Variants in PCNX3 observed in about 807,000 individuals in gnomAD.
PCNX3 encodes the protein pecanex-like protein 3.
In PCNX3, 58 loss-of-function variants were observed where a neutral mutation model predicts 207.2. The observed-to-expected ratio is 0.28, with a 90% confidence interval of 0.23 to 0.35. The LOEUF (loss-of-function observed/expected upper bound fraction) is 0.35. Ranked by LOEUF, PCNX3 falls within the 10% of genes least tolerant of loss-of-function variation. The probability of loss-of-function intolerance (pLI) is 1.00; values close to 1 mark genes in which losing one functional copy is unlikely to be tolerated. For synonymous variants in PCNX3, 1,337 were observed against 1,183.5 expected (o/e 1.13, Z -2.66); for missense variants, 2,410 against 2,774.4 (o/e 0.87, Z 2.95).
At chr11:65,623,867 G>T (rs777330347) in intron 12 of PCNX3, 62 bp from the exon 13 acceptor site, 26 of 1,608,554 alleles carry the variant, frequency 1.6e-5, no homozygotes, top group Non-Finnish European at 2.2e-5. Context: ...GAACAGGTCT[G>T]GGGCCTCTGA....
chr11:65,616,555 G>A (rs1854739735), intron 1 of PCNX3, 91 bp downstream of exon 1: 3 of 1,399,110 alleles, frequency 2.1e-6, no homozygotes, highest in Non-Finnish European at 2.9e-6. Flanking sequence ...CTGGGACGTG[G>A]AGAGAGAGGA....
intron 13 of PCNX3, 27 bp from the exon 14 acceptor site, chr11:65,624,168 C>G: frequency 6.3e-7 from 1 of 1,590,566 alleles, no homozygotes; most frequent in Non-Finnish European, 8.5e-7. Flanking sequence ...TCGGGGAGAC[C>G]CAGCTCCTCA....
In PCNX3 at chr11:65,618,772, C is replaced by G. The variant is rs370018747; in HGVS notation, c.1410C>G (p.Ala470=). Residue 470 remains alanine, a synonymous_variant, in exon 6 of 35, where the codon GCC becomes GCG. Transcript: ENST00000355703. ...GAAGGPRKRR[A]PHGAEEGTAV... is the part of the protein sequence containing the mutation. ...CAGGGGGACCCCGGAAGCGGAGGGC[C>G]CCCCATGGGGCTGAGGAGGGAACTG... The G allele has an allele frequency of 9.4e-5, 152 of 1,611,402 alleles. No homozygotes were observed. Among genetic ancestry groups the G allele is most frequent in the Non-Finnish European group, 1.2e-4 (143 of 1,179,238 alleles).
Position 65,628,940 on chromosome 11 carries a change from C to A in PCNX3, c.3933C>A (p.Arg1311=), listed in dbSNP as rs375603349. 6.2e-7 allele frequency: 1 copy of A among 1,611,688 alleles called. No individual in the cohort carries two copies. The highest frequency in any genetic ancestry group is 2.2e-5 in the East Asian group (1 of 44,876). Residue 1311 remains arginine, a synonymous_variant, in exon 24 of 35, where the codon CGC becomes CGA. Coordinates refer to ENST00000355703, the MANE Select transcript of PCNX3 (RefSeq NM_032223.4). ...CTCGGCCCCTCAAGTTCTGGGAGCG[C>A]GACTACAAGTGAGTCTCACAGGAGG... ...SYARPLKFWE[R]DYNTKRVDHS...
chr11:65,618,441 G>T lies in PCNX3; in HGVS notation c.1079G>T (p.Arg360Leu). 5.0e-6 allele frequency: 8 copies of T among 1,611,314 alleles called. No homozygotes were observed. Among genetic ancestry groups the T allele is most frequent in the Non-Finnish European group, 6.8e-6 (8 of 1,179,244 alleles). The change falls in exon 6 of 35, where the codon CGT becomes CTT. Residue 360 changes from arginine (R) to leucine (L), a missense_variant. Physicochemically the swap from Arg to Leu is moderately radical, Grantham distance 102. Coordinates refer to ENST00000355703, the MANE Select transcript of PCNX3 (RefSeq NM_032223.4). The part of the protein sequence containing the change: ...DAGVPSDDTL[R>L]SFDTVIGAGT... ...GGGGTCCCCTCAGATGACACGCTGC[G>T]TTCCTTTGACACGGTCATTGGAGCA...
At position 65,620,941 on chromosome 11, in the gene PCNX3, G is replaced by A. The variant is rs750464937; in HGVS notation, c.2210G>A (p.Arg737His). ...RPVVLQGMQV[R>H]RVPLEIPEEQ... ...GTGGTTCTGCAGGGCATGCAGGTGC[G>A]CCGGGTGCCCCTGGAGATCCCGGAG... The change falls in exon 10 of 35, where the codon CGC (arginine) becomes CAC (histidine). Residue 737 changes from arginine to histidine, a missense_variant. Coordinates refer to ENST00000355703, the MANE Select transcript of PCNX3 (RefSeq NM_032223.4). The A allele has an allele frequency of 4.1e-5, 63 of 1,551,206 alleles. No homozygotes were observed. The highest frequency in any genetic ancestry group is 4.6e-5 in the Non-Finnish European group (53 of 1,147,546).
intron 5 of PCNX3, 67 bp from the exon 6 acceptor site, chr11:65,617,873 C>G (rs973513343): frequency 6.7e-7 from 1 of 1,483,596 alleles, no homozygotes; most frequent in African/African-American, 1.4e-5. Flanking sequence ...CATAAGACCT[C>G]CCTTAACCAC....
intron 7 of PCNX3, 34 bp downstream of exon 7, chr11:65,619,694 G>T: frequency 6.4e-7 from 1 of 1,572,972 alleles, no homozygotes; most frequent in Non-Finnish European, 8.6e-7. Flanking sequence ...GAGGGGCACC[G>T]GGGGCCGGGG....
chr11:65,637,176 G>A lies in PCNX3; in HGVS notation c.*198G>A. ...CTGATCTCTCTCATCCCCAGTCCAGGGCCTGGGCTCCCCAGATGGAGGCAG... is the reference window on the plus strand; with the variant it reads ...CTGATCTCTCTCATCCCCAGTCCAGAGCCTGGGCTCCCCAGATGGAGGCAG... On this transcript the variant is annotated 3_prime_UTR_variant, in exon 35 of 35. Transcript: ENST00000355703. 3.2e-6 allele frequency: 2 copies of A among 628,992 alleles called. No individual in the cohort carries two copies. Among genetic ancestry groups the A allele is most frequent in the Admixed American group, 6.0e-5 (2 of 33,398 alleles). 39.0% of individuals were successfully genotyped at this position (628,992 alleles called of 1,614,324 possible). A position where few individuals can be genotyped will look rare whatever the true frequency, so the allele number is the denominator to read the frequency against.
Position 65,635,350 on chromosome 11 carries a change from C to T in PCNX3, c.5086C>T (p.Pro1696Ser). The change falls in exon 31 of 35, where the codon CCC becomes TCC. Residue 1696 changes from proline (P) to serine (S), a missense_variant. Coordinates refer to ENST00000355703, the MANE Select transcript of PCNX3 (RefSeq NM_032223.4). The surrounding 1 kb of genome is among the most constrained non-coding windows in gnomAD (Gnocchi z 9.9). ...AWRSAILSNT[P>S]SLLALRHVLD... ...GCGCAGCGCCATCCTCAGCAACACG[C>T]CCTCCCTGCTGGCGCTGCGCCATGT... 6.2e-7 allele frequency: 1 copy of T among 1,610,930 alleles called. No homozygotes were observed. The highest frequency in any genetic ancestry group is 8.5e-7 in the Non-Finnish European group (1 of 1,179,058).
chr11:65,626,850 C>T (rs191310621), intron 20 of PCNX3, 54 bp from the exon 21 acceptor site: 66 of 1,555,014 alleles, frequency 4.2e-5, no homozygotes, highest in Middle Eastern at 2.1e-4. Flanking sequence ...AGGACTTCCT[C>T]AGGGAAGGCA....
intron 20 of PCNX3, 128 bp downstream of exon 20, chr11:65,626,182 GC>G: frequency 7.8e-7 from 1 of 1,277,826 alleles, no homozygotes; most frequent in Non-Finnish European, 1.1e-6. Context: ...TACCCTTTCT[GC>G]TCCCTCCCTG....
At chr11:65,629,777 G>C (rs1855545831) in intron 26 of PCNX3, 42 bp downstream of exon 26, 1 of 1,531,376 alleles carries the variant, frequency 6.5e-7, no homozygotes, top group Non-Finnish European at 8.8e-7. Flanking sequence ...GCACAGCTCG[G>C]GCCTGATGTG....
rs146990106 is a variant in PCNX3, at chr11:65,622,891, C to T, written c.2357+525C>T. 6.8e-3 allele frequency among the ~76,000 whole-genome samples: 1,030 copies of T among 152,244 alleles called. 44 individuals carry two copies. In the East Asian group the frequency reaches 0.13, roughly 19 times the overall value. Reference sequence around the variant, plus strand: ...TGCTGGGATTACAGGCGTGAGCTACCGCGCCCGGCCATCCTATTCACTTTT... The same window carrying T: ...TGCTGGGATTACAGGCGTGAGCTACTGCGCCCGGCCATCCTATTCACTTTT... On this transcript the variant is annotated intron_variant, in intron 11 of 34. Coordinates refer to ENST00000355703, the MANE Select transcript of PCNX3 (RefSeq NM_032223.4).
Position 65,635,767 on chromosome 11 carries a change from G to A in PCNX3, c.5423G>A (p.Gly1808Asp), listed in dbSNP as rs1485574195. The change falls in exon 32 of 35, where the codon GGT becomes GAT. Residue 1808 changes from glycine (G) to aspartate (D), a missense_variant. Physicochemically the swap from Gly to Asp is moderately conservative, Grantham distance 94. Transcript: ENST00000355703. This position sits in a 1 kb window ranked among gnomAD's most constrained non-coding sequence, Gnocchi z 9.9. ...RALWGGPISL[G>D]AIAHWLLRTW... is the part of the protein sequence containing the mutation. Reference sequence around the variant, plus strand: ...CTGTGGGGTGGCCCCATCAGCCTGGGTGCCATTGCCCACTGGCTCCTGCGC... The same window carrying A: ...CTGTGGGGTGGCCCCATCAGCCTGGATGCCATTGCCCACTGGCTCCTGCGC... The A allele has an allele frequency of 6.2e-7, 1 of 1,603,652 alleles. No individual in the cohort carries two copies. The highest frequency in any genetic ancestry group is 2.3e-5 in the East Asian group (1 of 44,420).
rs752624373 is a variant in PCNX3 at position 65,618,738 on chromosome 11, G to A, written c.1376G>A (p.Arg459Gln). 9.9e-6 allele frequency: 16 copies of A among 1,612,052 alleles called. No homozygotes were observed. Among genetic ancestry groups the A allele is most frequent in the Admixed American group, 6.7e-5 (4 of 59,948 alleles). ...STSCYSPESS[R>Q]GAAGGPRKRR... is the part of the protein sequence containing the mutation. ...TCCTGCTACTCCCCTGAGAGCTCCCGGGGTGCAGCAGGGGGACCCCGGAAG... is the reference window on the plus strand; with the variant it reads ...TCCTGCTACTCCCCTGAGAGCTCCCAGGGTGCAGCAGGGGGACCCCGGAAG... The change falls in exon 6 of 35, where the codon CGG (arginine) becomes CAG (glutamine). Residue 459 changes from arginine to glutamine, a missense_variant. Around this residue, in one of 8 missense-constraint regions of PCNX3, gnomAD observed 1,104 missense variants for 970.3 expected, o/e 1.14. Coordinates refer to ENST00000355703, the MANE Select transcript of PCNX3 (RefSeq NM_032223.4).
intron 26 of PCNX3, 93 bp downstream of exon 26, chr11:65,629,828 A>G: frequency 7.3e-7 from 1 of 1,371,930 alleles, no homozygotes; most frequent in Non-Finnish European, 1.0e-6. Flanking sequence ...GGTCCAGTCC[A>G]GCTCTGTCCA....
In PCNX3 at chr11:65,635,522, C is replaced by A; in HGVS notation, c.5185-7C>A. ...CCGGCCCCCTGACCCTGGCGTGTGG[C>A]TCTCAGGTGAACCGGGAGTGCGTGC... On this transcript the variant is annotated splice_polypyrimidine_tract_variant and splice_region_variant and intron_variant, in intron 31 of 34. Coordinates refer to ENST00000355703, the MANE Select transcript of PCNX3 (RefSeq NM_032223.4). The surrounding 1 kb of genome is among the most constrained non-coding windows in gnomAD (Gnocchi z 9.9). 1 of 1,609,794 alleles carries A rather than the reference C, an allele frequency of 6.2e-7. No homozygotes were observed. The highest frequency in any genetic ancestry group is 8.5e-7 in the Non-Finnish European group (1 of 1,179,090).
At position 65,622,229 on chromosome 11, in the gene PCNX3, C is replaced by T. The variant is rs1855145462; in HGVS notation, c.2236-16C>T. On this transcript the variant is annotated splice_polypyrimidine_tract_variant and intron_variant, in intron 10 of 34. Transcript: ENST00000355703. ...AGTTTGACCTGCTGGACCAGGACTC[C>T]CTGCACGAATCCCAGGAGCAGACAC... The T allele has an allele frequency of 6.3e-7, 1 of 1,598,796 alleles. No individual in the cohort carries two copies. Among genetic ancestry groups the T allele is most frequent in the South Asian group, 1.1e-5 (1 of 88,400 alleles).
Sources: allele counts gnomAD v4.1 joint callset (sites outside exome capture counted in the v4.1 genomes callset), GRCh38; gene constraint gnomAD v4.1.1; regional missense constraint gnomAD v4.1.1; non-coding constraint Gnocchi (gnomAD v3.1); transcripts MANE v1.5; gene names NCBI Gene and HGNC (gene_info 2026-07-23, HGNC 2026-07-21).